The following LARGE1 variants were observed in gnomAD, a reference collection of about 807,000 sequenced individuals.
LARGE1 encodes the protein xylosyl- and glucuronyltransferase LARGE1.
LARGE1 carries 43 observed loss-of-function variants against 87.6 expected under a neutral mutation model. The ratio of observed to expected loss-of-function variants is 0.49; its 90% CI spans 0.38 to 0.63. The LOEUF (loss-of-function observed/expected upper bound fraction) is 0.63, where lower values mean the gene tolerates loss of function less well. Among genes scored for constraint, LARGE1 ranks in the 30% least tolerant of loss-of-function variants. LARGE1 has a pLI of 0.00. For missense variants in LARGE1, 802 were observed against 1,000.2 expected (o/e 0.80, Z 2.67); for synonymous variants, 434 against 394.6 (o/e 1.10, Z -1.18).
chr22:33,738,737 T>C (rs1357831479), intron 2 of LARGE1, among the ~76,000 whole-genome samples: 2 of 150,866 alleles, frequency 1.3e-5, no homozygotes, highest in East Asian at 3.9e-4. Context: ...CCCAGCTACT[T>C]GGGAGGCTGA....
chr22:33,866,016 T>C (rs2064090926), intron 1 of LARGE1, among the ~76,000 whole-genome samples: 1 of 151,656 alleles, frequency 6.6e-6, no homozygotes, highest in Non-Finnish European at 1.5e-5. Context: ...GCCCAGCTAA[T>C]TTTTGTAATT....
intron 6 of LARGE1, among the ~76,000 whole-genome samples, chr22:33,459,251 G>A (rs1038354546): frequency 2.6e-5 from 4 of 152,066 alleles, no homozygotes; most frequent in African/African-American, 9.7e-5. Flanking sequence ...CAGAGGCAGT[G>A]AAATCCTTGT....
intron 5 of LARGE1, among the ~76,000 whole-genome samples, chr22:33,593,811 G>C: frequency 6.6e-6 from 1 of 152,174 alleles, no homozygotes; most frequent in South Asian, 2.1e-4. Context: ...TATTGCACTG[G>C]TTCTATTTTG....
the LARGE1 span, among the ~76,000 whole-genome samples, chr22:33,136,358 C>A: frequency 1.3e-5 from 2 of 152,058 alleles, no homozygotes; most frequent in African/African-American, 4.8e-5. Context: ...GAATGAGAAC[C>A]AAGTGAAAGG....
chr22:33,570,300 T>C (rs940171049), intron 5 of LARGE1, among the ~76,000 whole-genome samples: 13 of 152,152 alleles, frequency 8.5e-5, no homozygotes, highest in African/African-American at 3.1e-4. Context: ...ATTTGGGGCA[T>C]GATAAAAGCA....
chr22:33,421,482 CA>C (rs1212163671), intron 7 of LARGE1, among the ~76,000 whole-genome samples: 1 of 152,080 alleles, frequency 6.6e-6, no homozygotes, highest in Non-Finnish European at 1.5e-5. Flanking sequence ...CTCTTAATAG[CA>C]AAAATAAAAT....
intron 12 of LARGE1, among the ~76,000 whole-genome samples, chr22:33,289,310 A>G (rs1932116928): frequency 6.6e-6 from 1 of 152,140 alleles, no homozygotes; most frequent in Non-Finnish European, 1.5e-5. Flanking sequence ...TGCTGATACA[A>G]TGGGAAGCCC....
intron 1 of LARGE1, among the ~76,000 whole-genome samples, chr22:33,867,260 A>G (rs1315672106): frequency 6.6e-6 from 1 of 152,176 alleles, no homozygotes; most frequent in Non-Finnish European, 1.5e-5. Flanking sequence ...ATAAAACCTT[A>G]ATCATCATGA....
chr22:33,216,193 TG>T (rs1925194804), intron 11 of LARGE1, among the ~76,000 whole-genome samples: 1 of 152,244 alleles, frequency 6.6e-6, no homozygotes, highest in South Asian at 2.1e-4. Flanking sequence ...TCTGCACCAT[TG>T]TTCTGTTTGC....
the LARGE1 span, among the ~76,000 whole-genome samples, chr22:33,091,048 C>A: frequency 1.3e-5 from 2 of 152,188 alleles, no homozygotes; most frequent in Non-Finnish European, 2.9e-5. Flanking sequence ...AGCATAATCT[C>A]TCTTCCTCAT....
intron 2 of LARGE1, chr22:33,727,688 G>A (rs184818537): frequency 6.6e-6 from 1 of 152,208 alleles, no homozygotes; most frequent in African/African-American, 2.4e-5. Flanking sequence ...CCATCTTATA[G>A]ATGCAGAAAG....
At chr22:33,546,272 T>C (rs529509330) in intron 6 of LARGE1, among the ~76,000 whole-genome samples, 4 of 152,340 alleles carry the variant, frequency 2.6e-5, no homozygotes, top group East Asian at 3.9e-4. Context: ...GCAACTGACA[T>C]AGGGAACACA....
chr22:33,227,224 C>T (rs905551416), intron 11 of LARGE1, among the ~76,000 whole-genome samples: 1 of 152,128 alleles, frequency 6.6e-6, no homozygotes, highest in African/African-American at 2.4e-5. Flanking sequence ...CAAAGTCATA[C>T]AGACAGCTAG....
In LARGE1 at chr22:33,914,535, C is replaced by T. The variant is rs530718367; in HGVS notation, c.-83+5460G>A. ...GAACAGTGTAACATTTCAGAACTAA[C>T]GGGTTTCCACCATAGGTAATAAGTT... On this transcript the variant is annotated intron_variant, in intron 1 of 14. Coordinates refer to ENST00000397394, the MANE Select transcript of LARGE1 (RefSeq NM_133642.5). Among the ~76,000 whole-genome samples the T allele has an allele frequency of 9.2e-5, 14 of 152,334 alleles. 1 individual carries two copies. Among genetic ancestry groups the T allele is most frequent in the South Asian group, 6.2e-4 (3 of 4,822 alleles).
At chr22:33,485,965 G>A (rs534774281) in intron 6 of LARGE1, among the ~76,000 whole-genome samples, 16 of 152,286 alleles carry the variant, frequency 1.1e-4, no homozygotes, top group African/African-American at 3.1e-4. Context: ...GGATACATAC[G>A]CCCTGATTAT....
chr22:33,097,581 A>C, the LARGE1 span, among the ~76,000 whole-genome samples: 21 of 152,354 alleles, frequency 1.4e-4, no homozygotes, highest in East Asian at 3.9e-3. Context: ...CTGTATCTTA[A>C]TAGCCTCTGA....
At chr22:33,334,140 C>T (rs1440761657) in intron 10 of LARGE1, among the ~76,000 whole-genome samples, 3 of 150,582 alleles carry the variant, frequency 2.0e-5, no homozygotes, top group African/African-American at 7.3e-5. Flanking sequence ...AAGCCAGGCG[C>T]GGTGGCTCAT....
At chr22:33,551,993 CAAAA>C (rs10674621) in intron 6 of LARGE1, among the ~76,000 whole-genome samples, 2 of 72,886 alleles carry the variant, frequency 2.7e-5, no homozygotes. Context: ...GGCTCCGTCT[CAAAA>C]AAAAAAAAAA....
In LARGE1 at chr22:33,604,447, T is replaced by C; in HGVS notation, c.603A>G (p.Ala201=). The change falls in exon 5 of 15, where the codon GCA becomes GCG. Residue 201 remains alanine (A), a synonymous_variant. Transcript: ENST00000397394. ...CTCCTGCCCATACCTTGAGCTCGTCTGCATTGTAGAAGTCCACACGCACAG... is the reference window on the plus strand; with the variant it reads ...CTCCTGCCCATACCTTGAGCTCGTCCGCATTGTAGAAGTCCACACGCACAG... ...VPAVRVDFYN[A]DELKSEVSWI... is the part of the protein sequence containing the mutation. 1 of 1,614,098 alleles carries C rather than the reference T, an allele frequency of 6.2e-7. No individual in the cohort carries two copies. Among genetic ancestry groups the C allele is most frequent in the Non-Finnish European group, 8.5e-7 (1 of 1,179,984 alleles).
Sources: gnomAD v4.1 joint callset for allele counts (sites outside exome capture counted in the v4.1 genomes callset) on GRCh38, gnomAD v4.1.1 for gene constraint, MANE v1.5 for transcripts, NCBI Gene and HGNC (gene_info 2026-07-23, HGNC 2026-07-21) for gene names.